Variants in PCYT1B observed in about 807,000 individuals in gnomAD.
The protein encoded by PCYT1B is choline-phosphate cytidylyltransferase B.
PCYT1B carries 10 observed loss-of-function variants against 26.4 expected under a neutral mutation model. The observed-to-expected ratio is 0.38, with a 90% CI of 0.23 to 0.64. The LOEUF (loss-of-function observed/expected upper bound fraction) is 0.64, where lower values mean the gene tolerates loss of function less well. PCYT1B is among the 30% of genes least tolerant of loss of function. The pLI, the probability that PCYT1B is intolerant of heterozygous loss-of-function variation, is 0.56. For missense variants in PCYT1B, 161 were observed against 292.7 expected (o/e 0.55, Z 3.28); for synonymous variants, 131 against 108.4 (o/e 1.21, Z -1.29).
chrX:24,633,993 C>A (rs746601819), intron 1 of PCYT1B, among the ~76,000 whole-genome samples: 6 of 111,328 alleles, frequency 5.4e-5, no homozygotes, highest in African/African-American at 2.0e-4. Context: ...GCACCATCAC[C>A]ACTCACTGCG....
rs372228292 is a variant in PCYT1B at position 24,609,576 on chromosome X, G to T, written c.218-1715C>A. On this transcript the variant is annotated intron_variant, in intron 2 of 7. Transcript: ENST00000379144. ...CAATTACTAAGAGTTAAAAGTTACA[G>T]AGTTAAGAGTTAAAAGTTAAAGTTA... 8.0e-5 allele frequency among the ~76,000 whole-genome samples: 9 copies of T among 112,324 alleles called. No individual in the cohort carries two copies. The East Asian group carries it at 2.5e-3, about 31-fold the overall frequency.
At chrX:24,617,424 C>T (rs1328414681) in intron 2 of PCYT1B, among the ~76,000 whole-genome samples, 38 of 97,122 alleles carry the variant, frequency 3.9e-4, no homozygotes, top group Non-Finnish European at 4.5e-4. Flanking sequence ...TAGAGTTATG[C>T]CATGTTATTT....
At chrX:24,596,528 C>T (rs113539184) in intron 3 of PCYT1B, among the ~76,000 whole-genome samples, 1,310 of 105,925 alleles carry the variant, frequency 0.012, 12 homozygotes, top group Non-Finnish European at 0.018. Flanking sequence ...GGAGGTGGAG[C>T]TTGCAGTGAA....
chrX:24,601,755 A>G (rs182908588), intron 3 of PCYT1B, among the ~76,000 whole-genome samples: 1 of 111,717 alleles, frequency 9.0e-6, no homozygotes, highest in Non-Finnish European at 1.9e-5. Flanking sequence ...CTATACACCT[A>G]TTAGAATGAC....
At chrX:24,598,408 C>A (rs952513723) in intron 3 of PCYT1B, among the ~76,000 whole-genome samples, 1 of 109,990 alleles carries the variant, frequency 9.1e-6, no homozygotes, top group African/African-American at 3.3e-5. Context: ...ATGGTATCTA[C>A]TAAAGATAAC....
chrX:24,642,310 G>T (rs1200807061), intron 1 of PCYT1B, among the ~76,000 whole-genome samples: 1 of 112,217 alleles, frequency 8.9e-6, no homozygotes, highest in Non-Finnish European at 1.9e-5. Flanking sequence ...GGTTGGTAAG[G>T]ATTGGTAAGA....
intron 1 of PCYT1B, among the ~76,000 whole-genome samples, chrX:24,669,951 G>C (rs752345918): frequency 9.3e-6 from 1 of 107,850 alleles, no homozygotes; most frequent in South Asian, 4.1e-4. Flanking sequence ...GCTGAGGCAG[G>C]AGGATCACTT....
At chrX:24,592,977 G>T (rs867529516) in intron 3 of PCYT1B, among the ~76,000 whole-genome samples, 49 of 111,380 alleles carry the variant, frequency 4.4e-4, no homozygotes, top group African/African-American at 1.5e-3. Flanking sequence ...GCAATGGCAC[G>T]ATCTTGGCTC....
intron 5 of PCYT1B, among the ~76,000 whole-genome samples, chrX:24,581,843 T>C (rs1924216409): frequency 8.9e-6 from 1 of 112,450 alleles, no homozygotes; most frequent in South Asian, 3.7e-4. Flanking sequence ...GGGTGTCTCT[T>C]TGGAGCTTTC....
chrX:24,606,775 G>A (rs1361973697), intron 3 of PCYT1B, among the ~76,000 whole-genome samples: 2 of 112,020 alleles, frequency 1.8e-5, no homozygotes, highest in Non-Finnish European at 3.8e-5. Flanking sequence ...GCTGAGGCGG[G>A]AGAATCACTT....
intron 1 of PCYT1B, among the ~76,000 whole-genome samples, chrX:24,620,030 T>G (rs1925651912): frequency 8.9e-6 from 1 of 112,841 alleles, no homozygotes; most frequent in African/African-American, 3.2e-5. Context: ...TTTGTGATTT[T>G]TAAAGCTAAA....
chrX:24,654,387 G>A (rs1312723492), intron 1 of PCYT1B, among the ~76,000 whole-genome samples: 1 of 105,011 alleles, frequency 9.5e-6, no homozygotes, highest in Admixed American at 1.0e-4. Context: ...GATTACAGGC[G>A]TGAGCCACCG....
Position 24,562,111 on chromosome X carries a change from T to G in PCYT1B, c.*182A>C. 1 of 1,211,042 alleles carries G rather than the reference T, an allele frequency of 8.3e-7. No homozygotes were observed. Among genetic ancestry groups the G allele is most frequent in the Non-Finnish European group, 1.1e-6 (1 of 895,075 alleles). On this transcript the variant is annotated 3_prime_UTR_variant, in exon 8 of 8. Transcript: ENST00000379144. Reference sequence around the variant, plus strand: ...TAGAAGTCTCTGCACCTCGCCCAACTCTTCAGCTGTACGGAGAGTGAGAGA... The same window carrying G: ...TAGAAGTCTCTGCACCTCGCCCAACGCTTCAGCTGTACGGAGAGTGAGAGA...
intron 5 of PCYT1B, among the ~76,000 whole-genome samples, chrX:24,580,980 C>A (rs1209157931): frequency 2.7e-5 from 3 of 111,781 alleles, no homozygotes; most frequent in Non-Finnish European, 5.6e-5. Flanking sequence ...CCACATCCAA[C>A]CAAGTTCCCA....
chrX:24,640,190 A>G, intron 1 of PCYT1B, among the ~76,000 whole-genome samples: 1 of 111,159 alleles, frequency 9.0e-6, no homozygotes, highest in Non-Finnish European at 1.9e-5. Context: ...AGGCTCCTCA[A>G]TCTACTGCCA....
At chrX:24,645,803 A>G (rs1602205722) in intron 1 of PCYT1B, among the ~76,000 whole-genome samples, 1 of 111,764 alleles carries the variant, frequency 8.9e-6, no homozygotes, top group Non-Finnish European at 1.9e-5. Flanking sequence ...AAAAGCCCAC[A>G]GGGCTCTAAT....
chrX:24,608,956 C>T (rs1925223861), intron 2 of PCYT1B, among the ~76,000 whole-genome samples: 2 of 111,491 alleles, frequency 1.8e-5, no homozygotes, highest in South Asian at 7.6e-4. Context: ...TGACACCTTT[C>T]TAGACTCTCA....
chrX:24,587,756 C>G (rs1206738066), intron 4 of PCYT1B, among the ~76,000 whole-genome samples: 1 of 112,554 alleles, frequency 8.9e-6, no homozygotes, highest in East Asian at 2.8e-4. Context: ...AGGAATTTGT[C>G]TCTTTCCTCA....
intron 7 of PCYT1B, among the ~76,000 whole-genome samples, chrX:24,571,502 T>TCATCATCAA: frequency 9.2e-6 from 1 of 109,235 alleles, no homozygotes; most frequent in African/African-American, 3.4e-5. Context: ...TTATTTACTA[T>TCATCATCAA]CATCATCATC....
Sources: allele counts gnomAD v4.1 joint callset (sites outside exome capture counted in the v4.1 genomes callset), GRCh38; gene constraint gnomAD v4.1.1; transcripts MANE v1.5; gene names NCBI Gene and HGNC (gene_info 2026-07-23, HGNC 2026-07-21).